THRB: variants seen among roughly 807,000 people sequenced by gnomAD.
THRB encodes the protein thyroid hormone receptor beta.
THRB carries 12 observed loss-of-function variants against 47.8 expected under a neutral mutation model. That is an observed-to-expected ratio of 0.25 (90% CI 0.16 to 0.41). The LOEUF is 0.41. Ranked by LOEUF, THRB falls within the 10% of genes least tolerant of loss-of-function variation. The pLI, the probability that THRB is intolerant of heterozygous loss-of-function variation, is 1.00. For missense variants in THRB, 348 were observed against 589.2 expected, an observed-to-expected ratio of 0.59 and a Z score of 4.24; for synonymous variants, 218 against 212.2, an observed-to-expected ratio of 1.03 and a Z score of -0.24.
At chr3:24,178,457 C>T (rs564739189) in intron 5 of THRB, among the ~76,000 whole-genome samples, 14 of 152,220 alleles carry the variant, frequency 9.2e-5, no homozygotes, top group Admixed American at 3.9e-4. Context: ...CACCACTGCA[C>T]TCCAGCTTGG....
At chr3:24,249,678 T>C (rs1053458852) in intron 3 of THRB, among the ~76,000 whole-genome samples, 3 of 152,190 alleles carry the variant, frequency 2.0e-5, no homozygotes, top group Non-Finnish European at 4.4e-5. Context: ...ACTTAATACA[T>C]TATGAGCTGG....
intron 5 of THRB, among the ~76,000 whole-genome samples, chr3:24,173,011 A>G (rs1215836308): frequency 2.0e-5 from 3 of 152,188 alleles, no homozygotes; most frequent in Non-Finnish European, 2.9e-5. Context: ...AAAGATTATA[A>G]AAGAGTCCAA....
chr3:24,137,758 T>C lies in THRB; in HGVS notation c.739-4296A>G, dbSNP rs555524770. On this transcript the variant is annotated intron_variant, in intron 8 of 10. Transcript: ENST00000646209. ...CTACTGAAGGGCTGTAAACAGGGCA[T>C]AGACATGACACGATGGTTACTGCAT... is the stretch of plus-strand genomic sequence containing the variant. Among the ~76,000 whole-genome samples the C allele has an allele frequency of 2.0e-5, 3 of 152,164 alleles. No individual in the cohort carries two copies. The South Asian group carries it at 6.2e-4, about 32-fold the overall frequency.
intron 3 of THRB, among the ~76,000 whole-genome samples, chr3:24,252,416 A>G (rs1339059762): frequency 2.0e-5 from 3 of 152,132 alleles, no homozygotes; most frequent in Non-Finnish European, 4.4e-5. Context: ...TAGAAAAAAA[A>G]TCACAGTTGA....
At position 24,185,088 on chromosome 3, in the gene THRB, C is replaced by G. The variant is rs146334754; in HGVS notation, c.283+4986G>C. On this transcript the variant is annotated intron_variant, in intron 5 of 10. Transcript: ENST00000646209. Reference sequence around the variant, plus strand: ...TCATTTTTTTTGTCTTTATGAAGAGCATGAATTAATAGTTTTCCCCTTTGC... The same window carrying G: ...TCATTTTTTTTGTCTTTATGAAGAGGATGAATTAATAGTTTTCCCCTTTGC... 3.0e-4 allele frequency among the ~76,000 whole-genome samples: 45 copies of G among 152,248 alleles called. No individual in the cohort carries two copies. The East Asian group carries it at 7.9e-3, about 27-fold the overall frequency.
At chr3:24,449,501 C>A (rs1351594612) in intron 1 of THRB, among the ~76,000 whole-genome samples, 2 of 152,178 alleles carry the variant, frequency 1.3e-5, no homozygotes, top group African/African-American at 4.8e-5. Context: ...GGGAAAACAG[C>A]TAAATTGTTC....
intron 1 of THRB, among the ~76,000 whole-genome samples, chr3:24,426,965 G>T (rs1323290853): frequency 1.3e-5 from 2 of 151,882 alleles, no homozygotes; most frequent in African/African-American, 4.8e-5. Flanking sequence ...AATGATTGCT[G>T]GTTTCTTTAA....
chr3:24,331,519 A>G (rs2061927693), intron 2 of THRB, among the ~76,000 whole-genome samples: 1 of 152,102 alleles, frequency 6.6e-6, no homozygotes, highest in African/African-American at 2.4e-5. Flanking sequence ...CTCTTTTTCC[A>G]GGTGATTCTT....
intron 2 of THRB, among the ~76,000 whole-genome samples, chr3:24,310,943 C>T (rs1467658951): frequency 6.6e-6 from 1 of 152,140 alleles, no homozygotes; most frequent in African/African-American, 2.4e-5. Flanking sequence ...AAAACAAGAG[C>T]TACTTATTTC....
chr3:24,133,531 T>C (rs1314740494), intron 8 of THRB, 69 bp from the exon 9 acceptor site: 7 of 1,450,954 alleles, frequency 4.8e-6, no homozygotes, highest in East Asian at 2.3e-5. Context: ...ATAGTTCTTA[T>C]GTGGCAGAAA....
At chr3:24,390,795 AAAAT>A (rs1268834286) in intron 1 of THRB, among the ~76,000 whole-genome samples, 5 of 59,158 alleles carry the variant, frequency 8.5e-5, no homozygotes, top group African/African-American at 2.1e-4. Flanking sequence ...AAAAAAAAAA[AAAAT>A]ATATATATAT....
intron 1 of THRB, among the ~76,000 whole-genome samples, chr3:24,479,253 G>C (rs1427376979): frequency 6.6e-6 from 1 of 152,248 alleles, no homozygotes; most frequent in East Asian, 1.9e-4. Flanking sequence ...AGTGAGCTGA[G>C]ATTGCGCCAC....
At chr3:24,390,086 C>T (rs2066443657) in intron 1 of THRB, among the ~76,000 whole-genome samples, 1 of 152,112 alleles carries the variant, frequency 6.6e-6, no homozygotes, top group Non-Finnish European at 1.5e-5. Flanking sequence ...GCTCTTGGTA[C>T]TCAAAGCTCC....
At chr3:24,152,555 C>A in intron 5 of THRB, 65 bp from the exon 6 acceptor site, 1 of 894,436 alleles carries the variant, frequency 1.1e-6, no homozygotes, top group Non-Finnish European at 1.9e-6. Context: ...GACACTATAG[C>A]TAAGGTTGCT....
intron 1 of THRB, among the ~76,000 whole-genome samples, chr3:24,346,405 A>G (rs954974882): frequency 6.6e-6 from 1 of 152,090 alleles, no homozygotes; most frequent in Non-Finnish European, 1.5e-5. Context: ...AAAGGAGAGG[A>G]AAAGGAACAG....
upstream of THRB, chr3:24,495,119 G>C (rs938614437): frequency 1.3e-5 from 2 of 151,872 alleles, no homozygotes; most frequent in African/African-American, 4.8e-5. Context: ...CCCGCTTCCC[G>C]GGCGCTGTCT....
intron 3 of THRB, among the ~76,000 whole-genome samples, chr3:24,274,997 A>G (rs575951180): frequency 1.9e-4 from 29 of 152,252 alleles, no homozygotes; most frequent in Non-Finnish European, 2.9e-4. Context: ...TTCCTTATCT[A>G]TCCATCTACT....
Position 24,150,389 on chromosome 3 carries a change from C to T in THRB, c.384+2001G>A, listed in dbSNP as rs188673911. Among the ~76,000 whole-genome samples the T allele has an allele frequency of 3.3e-5, 5 of 152,188 alleles. No individual in the cohort carries two copies. In the East Asian group the frequency reaches 5.8e-4, roughly 18 times the overall value. On this transcript the variant is annotated intron_variant, in intron 6 of 10. Transcript: ENST00000646209. ...TGCTTTGTCATTATATTAAGTGATC[C>T]GCACAAGTACCCTGGGAAGGCTCTT... is the stretch of plus-strand genomic sequence containing the variant.
At chr3:24,294,143 G>C (rs1052992727) in intron 3 of THRB, among the ~76,000 whole-genome samples, 1 of 152,114 alleles carries the variant, frequency 6.6e-6, no homozygotes, top group Non-Finnish European at 1.5e-5. Context: ...TACTCTTTTG[G>C]AAACCAGCTA....
Sources: allele counts gnomAD v4.1 joint callset (sites outside exome capture counted in the v4.1 genomes callset), GRCh38; gene constraint gnomAD v4.1.1; transcripts MANE v1.5; gene names NCBI Gene and HGNC (gene_info 2026-07-23, HGNC 2026-07-21).